NTHL1: variants seen among roughly 807,000 people sequenced by gnomAD.
The protein encoded by NTHL1 is nth like DNA glycosylase 1, also known as endonuclease III-like protein 1.
Under a neutral mutation model 32.3 loss-of-function variants are expected in NTHL1, and 32 were observed. The observed-to-expected ratio is 0.99, with a 90% CI of 0.75 to 1.33. The LOEUF (loss-of-function observed/expected upper bound fraction) is 1.33. NTHL1 is among the 40% of genes most tolerant of loss of function. NTHL1 has a pLI of 0.00. For missense variants in NTHL1, 501 were observed against 414.1 expected, an observed-to-expected ratio of 1.21 and a Z score of -1.82; for synonymous variants, 188 against 176.9, an observed-to-expected ratio of 1.06 and a Z score of -0.50.
chr16:2,040,590 C>A, intron 4 of NTHL1: 1 of 419,224 alleles, frequency 2.4e-6, no homozygotes, highest in Non-Finnish European at 4.5e-6. Context: ...GCTTGGAGCT[C>A]TATTCCCCAC....
chr16:2,044,141 G>T lies in NTHL1; in HGVS notation c.526-415C>A. On this transcript the variant is annotated intron_variant, in intron 3 of 5. Coordinates refer to ENST00000651570, the MANE Select transcript of NTHL1 (RefSeq NM_002528.7). This position sits in a 1 kb window ranked among gnomAD's most constrained non-coding sequence, Gnocchi z 5.0. ...TCCCATCCTGTGCCTGAGTGGAGAG[G>T]GCTATTTAAAACCCATCTGAGAAAC... The T allele has an allele frequency of 2.9e-6, 1 of 344,242 alleles. No individual in the cohort carries two copies. The highest frequency in any genetic ancestry group is 2.8e-5 in the South Asian group (1 of 35,848). 21.3% of individuals were successfully genotyped at this position (344,242 alleles called of 1,614,324 possible). A position where few individuals can be genotyped will look rare whatever the true frequency, so the allele number is the denominator to read the frequency against.
At chr16:2,042,247 G>A in intron 4 of NTHL1, 2 of 378,398 alleles carry the variant, frequency 5.3e-6, no homozygotes, top group Non-Finnish European at 1.0e-5. Flanking sequence ...CCACAGCCCT[G>A]CCCAACCACG....
At chr16:2,041,853 C>T (rs2084272348) in intron 4 of NTHL1, 3 of 350,718 alleles carry the variant, frequency 8.6e-6, no homozygotes, top group South Asian at 6.3e-5. Context: ...CGTGATCTGC[C>T]TGCCTCGGCC....
At chr16:2,042,855 C>T (rs1169211505) in intron 4 of NTHL1, among the ~76,000 whole-genome samples, 1 of 105,014 alleles carries the variant, frequency 9.5e-6, no homozygotes, top group Non-Finnish European at 2.0e-5. Context: ...CACCCTCCCC[C>T]CATCCTCCCA....
At position 2,043,758 on chromosome 16, in the gene NTHL1, G is replaced by A. The variant is rs746138694; in HGVS notation, c.526-32C>T. The A allele has an allele frequency of 6.2e-7, 1 of 1,608,712 alleles. No homozygotes were observed. Among genetic ancestry groups the A allele is most frequent in the East Asian group, 2.2e-5 (1 of 44,870 alleles). On this transcript the variant is annotated intron_variant, in intron 3 of 5. Transcript: ENST00000651570. The surrounding 1 kb of genome is among the most constrained non-coding windows in gnomAD (Gnocchi z 4.4). ...GACAGGGGTGGGTTCAGCCTTGGAG[G>A]CAAGGGCACAGCCCAACCTGGGAGG...
intron 1 of NTHL1, 43 bp downstream of exon 1, chr16:2,047,666 C>T: frequency 6.5e-7 from 1 of 1,543,814 alleles, no homozygotes; most frequent in Non-Finnish European, 8.7e-7. Flanking sequence ...CCTGCAGCCC[C>T]TATCCCGCCT....
chr16:2,044,955 G>T lies in NTHL1; in HGVS notation c.355-155C>A, dbSNP rs1292851600. 4 of 747,286 alleles carry T rather than the reference G, an allele frequency of 5.4e-6. No homozygotes were observed. Among genetic ancestry groups the T allele is most frequent in the Non-Finnish European group, 8.5e-6 (4 of 471,048 alleles). 46.3% of individuals were successfully genotyped at this position (747,286 alleles called of 1,614,324 possible). On this transcript the variant is annotated intron_variant, in intron 2 of 5. Transcript: ENST00000651570. This position sits in a 1 kb window ranked among gnomAD's most constrained non-coding sequence, Gnocchi z 5.0. ...TGTGGGGTGGGGAGGTCTGGTTTGG[G>T]TATGTTTGGTCATCTACAACACCAG...
rs762269750 is a variant in NTHL1 at position 2,043,554 on chromosome 16, C to G, written c.685+13G>C. 10 of 1,604,618 alleles carry G rather than the reference C, an allele frequency of 6.2e-6. No homozygotes were observed. In the Admixed American group the frequency reaches 1.2e-4, roughly 19 times the overall value. On this transcript the variant is annotated intron_variant, in intron 4 of 5. Coordinates refer to ENST00000651570, the MANE Select transcript of NTHL1 (RefSeq NM_002528.7). This position sits in a 1 kb window ranked among gnomAD's most constrained non-coding sequence, Gnocchi z 4.4. ...CCAGTGGGCTGGAGCCAGCCCCGCC[C>G]TCCTCTACTCACCAATGCCTGACAC...
rs565552637 is a variant in NTHL1, at chr16:2,042,804, C to A, written c.685+763G>T. Among the ~76,000 whole-genome samples the A allele has an allele frequency of 4.7e-5, 6 of 126,590 alleles. No homozygotes were observed. In the South Asian group the frequency reaches 2.0e-3, roughly 41 times the overall value. 83.0% of individuals were successfully genotyped at this position (126,590 alleles called of 152,430 possible). ...CCCTCCCCACCCTCCCCTCTTCTCC[C>A]TCTCAACCCTCCCCTCTTCTCCCCG... On this transcript the variant is annotated intron_variant, in intron 4 of 5. Coordinates refer to ENST00000651570, the MANE Select transcript of NTHL1 (RefSeq NM_002528.7).
At chr16:2,040,455 C>G in intron 4 of NTHL1, 2 of 619,498 alleles carry the variant, frequency 3.2e-6, no homozygotes, top group South Asian at 3.6e-5. Context: ...GGCCTCTCTC[C>G]CATCACCTGA....
chr16:2,040,536 G>C, intron 4 of NTHL1: 1 of 513,052 alleles, frequency 1.9e-6, no homozygotes, highest in South Asian at 2.0e-5. Flanking sequence ...GTGGGTGGTG[G>C]GGTCTCTGCT....
At position 2,044,888 on chromosome 16, in the gene NTHL1, G is replaced by T; in HGVS notation, c.355-88C>A. On this transcript the variant is annotated intron_variant, in intron 2 of 5. Coordinates refer to ENST00000651570, the MANE Select transcript of NTHL1 (RefSeq NM_002528.7). This position sits in a 1 kb window ranked among gnomAD's most constrained non-coding sequence, Gnocchi z 5.0. ...CCGCCCCCCGCCCTCGACACACCCT[G>T]GTTTGTTGCCCTGGGCCACACTTGA... 1 of 1,437,864 alleles carries T rather than the reference G, an allele frequency of 7.0e-7. No homozygotes were observed. The allele number at this position is 1,437,864 out of a possible 1,614,324, so 89.1% of individuals were successfully genotyped here.
Position 2,040,027 on chromosome 16 carries a change from T to C in NTHL1, c.812A>G (p.Asn271Ser), listed in dbSNP as rs149287105. The part of the protein sequence containing the change: ...WLPRELWHEI[N>S]GLLVGFGQQT... ...CTGGCCGAAGCCCACCAAGAGTCCA[T>C]TGATCTCGTGCCACAGCTCCCTGTG... Residue 271 changes from asparagine to serine, a missense_variant, in exon 6 of 6, where the codon AAT becomes AGT. Coordinates refer to ENST00000651570, the MANE Select transcript of NTHL1 (RefSeq NM_002528.7). 13 of 1,612,214 alleles carry C rather than the reference T, an allele frequency of 8.1e-6. No homozygotes were observed. The highest frequency in any genetic ancestry group is 3.3e-5 in the Admixed American group (2 of 60,018).
intron 1 of NTHL1, among the ~76,000 whole-genome samples, 162 bp from the exon 2 acceptor site, chr16:2,046,528 C>T (rs2084402747): frequency 6.6e-6 from 1 of 152,130 alleles, no homozygotes. Flanking sequence ...GGTATGTGGG[C>T]CCTCCTTATG....
At chr16:2,042,278 G>A (rs1240169506) in intron 4 of NTHL1, 1 of 356,858 alleles carries the variant, frequency 2.8e-6, no homozygotes, top group Non-Finnish European at 5.5e-6. Flanking sequence ...CCAGGGACAC[G>A]GGCAGCTGAG....
intron 2 of NTHL1, among the ~76,000 whole-genome samples, 200 bp downstream of exon 2, chr16:2,045,928 G>A (rs956400186): frequency 6.6e-6 from 1 of 152,162 alleles, no homozygotes; most frequent in African/African-American, 2.4e-5. Context: ...GCAGAAGTTC[G>A]AGCACGAGGC....
At chr16:2,045,187 AT>A (rs1156592629) in intron 2 of NTHL1, among the ~76,000 whole-genome samples, 1 of 151,964 alleles carries the variant, frequency 6.6e-6, no homozygotes, top group Non-Finnish European at 1.5e-5. Context: ...AAATACAAAC[AT>A]TAGCTGGGTG....
Position 2,044,861 on chromosome 16 carries a change from C to T in NTHL1, c.355-61G>A. On this transcript the variant is annotated intron_variant, in intron 2 of 5. Transcript: ENST00000651570. The surrounding 1 kb of genome is among the most constrained non-coding windows in gnomAD (Gnocchi z 5.0). ...GGTCCTGGGTGATTCCCTGGCCAGG[C>T]TCCGCCCCCCGCCCTCGACACACCC... The T allele has an allele frequency of 6.7e-7, 1 of 1,503,094 alleles. No individual in the cohort carries two copies. The allele number at this position is 1,503,094 out of a possible 1,614,324, so 93.1% of individuals were successfully genotyped here.
chr16:2,042,101 G>A (rs2084275179), intron 4 of NTHL1: 1 of 455,778 alleles, frequency 2.2e-6, no homozygotes, highest in African/African-American at 2.0e-5. Context: ...GAACCCCTAG[G>A]AGGCAGCCCT....
Sources: gnomAD v4.1 joint callset for allele counts (sites outside exome capture counted in the v4.1 genomes callset) on GRCh38, gnomAD v4.1.1 for gene constraint, Gnocchi (gnomAD v3.1) non-coding constraint, MANE v1.5 for transcripts, NCBI Gene and HGNC (gene_info 2026-07-23, HGNC 2026-07-21) for gene names.